The following SLC35F4 variants were observed in gnomAD, a reference collection of about 807,000 sequenced individuals.
The protein encoded by SLC35F4 is chromosome 14 open reading frame 36.
In SLC35F4, 24 loss-of-function variants were observed where a neutral mutation model predicts 44.2. The ratio of observed to expected loss-of-function variants is 0.54; its 90% CI spans 0.39 to 0.76. The LOEUF (loss-of-function observed/expected upper bound fraction) is 0.76, where lower values mean the gene tolerates loss of function less well. SLC35F4 is among the 30% of genes least tolerant of loss of function. The probability of loss-of-function intolerance (pLI) is 0.00; values close to 1 mark genes in which losing one functional copy is unlikely to be tolerated. For synonymous variants in SLC35F4, 238 were observed against 223.6 expected, an observed-to-expected ratio of 1.06 and a Z score of -0.57; for missense variants, 562 against 586.1, an observed-to-expected ratio of 0.96 and a Z score of 0.42.
At chr14:57,681,897 C>T (rs901566789) in intron 1 of SLC35F4, among the ~76,000 whole-genome samples, 1 of 151,370 alleles carries the variant, frequency 6.6e-6, no homozygotes, top group African/African-American at 2.5e-5. Flanking sequence ...GGAAAAAAAG[C>T]TCATCATCAC....
chr14:57,749,083 A>T (rs2076824238), intron 1 of SLC35F4, among the ~76,000 whole-genome samples: 1 of 152,176 alleles, frequency 6.6e-6, no homozygotes, highest in Admixed American at 6.5e-5. Context: ...GTTCAAATAT[A>T]CTAATAGATA....
chr14:57,730,569 C>T (rs2076319548), intron 1 of SLC35F4, among the ~76,000 whole-genome samples: 1 of 152,066 alleles, frequency 6.6e-6, no homozygotes, highest in Non-Finnish European at 1.5e-5. Context: ...ATTGAGGTCA[C>T]CAATTGTGTA....
At chr14:57,937,064 C>CTTTTT (rs11458039) in intron 1 of SLC35F4, among the ~76,000 whole-genome samples, 5 of 144,218 alleles carry the variant, frequency 3.5e-5, no homozygotes, top group Non-Finnish European at 6.0e-5. Context: ...ATTTTACCTG[C>CTTTTT]TTTTTTTTTT....
intron 1 of SLC35F4, among the ~76,000 whole-genome samples, chr14:57,599,216 G>A (rs577130425): frequency 1.1e-4 from 16 of 152,300 alleles, no homozygotes; most frequent in Non-Finnish European, 1.9e-4. Flanking sequence ...TAGGGTTCCA[G>A]GAGGAAGAGA....
chr14:57,675,302 T>C (rs758898605), intron 1 of SLC35F4, among the ~76,000 whole-genome samples: 5 of 152,080 alleles, frequency 3.3e-5, no homozygotes, highest in Non-Finnish European at 5.9e-5. Flanking sequence ...GGAAATGATA[T>C]GCATGCTGAG....
At chr14:57,805,923 G>A (rs1881266316) in intron 1 of SLC35F4, among the ~76,000 whole-genome samples, 1 of 152,092 alleles carries the variant, frequency 6.6e-6, no homozygotes, top group South Asian at 2.1e-4. Flanking sequence ...TAGAAAACCA[G>A]GTTTGGAATA....
intron 1 of SLC35F4, among the ~76,000 whole-genome samples, chr14:57,728,000 A>G (rs1056210029): frequency 6.6e-6 from 1 of 152,138 alleles, no homozygotes; most frequent in Non-Finnish European, 1.5e-5. Flanking sequence ...TCCAGATATT[A>G]TTGTATTGGG....
upstream of SLC35F4, among the ~76,000 whole-genome samples, chr14:57,868,599 C>T (rs374208396): frequency 7.2e-5 from 11 of 151,920 alleles, no homozygotes; most frequent in East Asian, 1.4e-3. Flanking sequence ...CCTCAGCCTC[C>T]GGAGTAATTA....
At chr14:57,607,874 A>G (rs1235771150) in intron 1 of SLC35F4, among the ~76,000 whole-genome samples, 1 of 152,186 alleles carries the variant, frequency 6.6e-6, no homozygotes, top group Admixed American at 6.5e-5. Context: ...ATGGATATAA[A>G]TTGGTAAATA....
intron 1 of SLC35F4, chr14:57,596,694 G>T: frequency 1.1e-6 from 1 of 950,548 alleles, no homozygotes; most frequent in Non-Finnish European, 1.6e-6. Flanking sequence ...TACCTAAAAA[G>T]TTGGTAACTT....
At chr14:57,894,324 A>G (rs1422106836) in intron 1 of SLC35F4, among the ~76,000 whole-genome samples, 1 of 152,096 alleles carries the variant, frequency 6.6e-6, no homozygotes, top group Non-Finnish European at 1.5e-5. Context: ...AAGAATGAAG[A>G]CAGTTGTACA....
intron 1 of SLC35F4, among the ~76,000 whole-genome samples, chr14:57,889,689 G>A (rs1475418272): frequency 1.3e-5 from 2 of 152,198 alleles, no homozygotes; most frequent in African/African-American, 4.8e-5. Context: ...ATATATTAAT[G>A]TATATATTGA....
intron 1 of SLC35F4, among the ~76,000 whole-genome samples, chr14:57,737,892 G>T (rs927246998): frequency 7.9e-5 from 12 of 152,156 alleles, no homozygotes; most frequent in African/African-American, 2.9e-4. Flanking sequence ...AGTAAATAGA[G>T]ATAAGGCTTA....
At chr14:57,978,782 G>A (rs1052972647) in intron 1 of SLC35F4, among the ~76,000 whole-genome samples, 2 of 152,130 alleles carry the variant, frequency 1.3e-5, no homozygotes, top group African/African-American at 2.4e-5. Context: ...TATACATCCT[G>A]ATCCATGAAA....
intron 1 of SLC35F4, among the ~76,000 whole-genome samples, chr14:57,888,817 C>A (rs1370252332): frequency 6.6e-6 from 1 of 152,164 alleles, no homozygotes; most frequent in Non-Finnish European, 1.5e-5. Flanking sequence ...AAACATAGAA[C>A]TTATTGCATC....
intron 1 of SLC35F4, chr14:57,595,827 C>T (rs2070455180): frequency 6.6e-6 from 1 of 152,210 alleles, no homozygotes; most frequent in African/African-American, 2.4e-5. Context: ...TTCCCTGCCC[C>T]ACTCCTGAAA....
chr14:57,812,816 T>C (rs1267306293), intron 1 of SLC35F4, among the ~76,000 whole-genome samples: 1 of 152,182 alleles, frequency 6.6e-6, no homozygotes, highest in African/African-American at 2.4e-5. Flanking sequence ...ATACCACATG[T>C]ACAGTATAAT....
intron 1 of SLC35F4, among the ~76,000 whole-genome samples, chr14:57,894,988 C>A (rs1295268622): frequency 6.6e-6 from 1 of 152,168 alleles, no homozygotes; most frequent in African/African-American, 2.4e-5. Context: ...TTACACATCA[C>A]TGCCAGGTCA....
At chr14:57,619,276 C>A (rs767881229) in intron 1 of SLC35F4, among the ~76,000 whole-genome samples, 7 of 152,190 alleles carry the variant, frequency 4.6e-5, no homozygotes, top group Non-Finnish European at 7.3e-5. Flanking sequence ...CTGACAGACA[C>A]CTCATACAGG....
Sources: allele counts gnomAD v4.1 joint callset (sites outside exome capture counted in the v4.1 genomes callset), GRCh38; gene constraint gnomAD v4.1.1; transcripts MANE v1.5; gene names NCBI Gene and HGNC (gene_info 2026-07-23, HGNC 2026-07-21).